INTS9: variants seen among roughly 807,000 people sequenced by gnomAD.
The protein encoded by INTS9 is integrator complex subunit 9.
INTS9 carries 55 observed loss-of-function variants against 79.7 expected under a neutral mutation model. That is an observed-to-expected ratio of 0.69 (90% CI 0.56 to 0.86). The LOEUF (loss-of-function observed/expected upper bound fraction) is 0.86. INTS9 is among the 40% of genes least tolerant of loss of function. The pLI is 0.00. For synonymous variants in INTS9, 319 were observed against 325.2 expected (o/e 0.98, Z 0.20); for missense variants, 721 against 831.5 (o/e 0.87, Z 1.64).
intron 11 of INTS9, among the ~76,000 whole-genome samples, chr8:28,783,026 A>C (rs1803382935): frequency 6.6e-6 from 1 of 151,284 alleles, no homozygotes; most frequent in African/African-American, 2.4e-5. Context: ...GGACACCTGT[A>C]GTCCGTTACT....
intron 1 of INTS9, among the ~76,000 whole-genome samples, chr8:28,877,596 A>T (rs1809465854): frequency 6.6e-6 from 1 of 152,204 alleles, no homozygotes; most frequent in Non-Finnish European, 1.5e-5. Context: ...CAAAAAGGAG[A>T]TAATCTGTAA....
chr8:28,884,168 CTTTTTTTTTTTTTTTTTTTT>C (rs35799882), intron 1 of INTS9, among the ~76,000 whole-genome samples: 1 of 46,976 alleles, frequency 2.1e-5, no homozygotes. Context: ...ATCAGTGTAT[CTTTTTTTTTTTTTTTTTTTT>C]TTTTTTTTTT....
At chr8:28,797,993 A>G (rs1329823831) in intron 8 of INTS9, 1 of 152,244 alleles carries the variant, frequency 6.6e-6, no homozygotes, top group African/African-American at 2.4e-5. Context: ...TTTAAATAAC[A>G]CAATTTTGAT....
intron 1 of INTS9, among the ~76,000 whole-genome samples, chr8:28,878,208 T>C (rs184693177): frequency 3.1e-4 from 47 of 152,308 alleles, no homozygotes; most frequent in African/African-American, 1.1e-3. Context: ...ACTATATACA[T>C]GTACAAAAAT....
At position 28,889,963 on chromosome 8, in the gene INTS9, G is replaced by T. The variant is rs1251373170; in HGVS notation, c.-81C>A. 5 of 1,181,252 alleles carry T rather than the reference G, an allele frequency of 4.2e-6. No individual in the cohort carries two copies. Among genetic ancestry groups the T allele is most frequent in the Non-Finnish European group, 6.3e-6 (5 of 794,066 alleles). 73.2% of individuals were successfully genotyped at this position (1,181,252 alleles called of 1,614,324 possible). A position where few individuals can be genotyped will look rare whatever the true frequency, so the allele number is the denominator to read the frequency against. ...TCTTCCGGTGCAATCTCCGCCACCT[G>T]CCAGCCGAGAGCATCGCGGGACTTG... On this transcript the variant is annotated 5_prime_UTR_variant, in exon 1 of 17. Transcript: ENST00000521022.
At chr8:28,779,359 G>A (rs1329483674) in intron 12 of INTS9, among the ~76,000 whole-genome samples, 2 of 152,198 alleles carry the variant, frequency 1.3e-5, no homozygotes, top group Non-Finnish European at 1.5e-5. Flanking sequence ...CCTGGTATCA[G>A]CAAGAGCCGG....
chr8:28,787,860 T>C lies in INTS9; in HGVS notation c.1067A>G (p.Tyr356Cys), dbSNP rs752113604. Residue 356 changes from tyrosine (Y) to cysteine (C), a missense_variant, in exon 11 of 17, where the codon TAT becomes TGT. By Grantham distance (194) the Tyr-to-Cys change is radical. This residue lies in a region of INTS9 where 149 missense variants were observed against 223.7 expected (regional missense o/e 0.67). Transcript: ENST00000521022. ...ATGAGGAAAAGGTGGTTCTGGAAGA[T>C]ACACCTTACTCTGTTTGTTGTGACA... The part of the protein sequence containing the change: ...WLCHNKQSKV[Y>C]LPEPPFPHAE... 5 of 1,608,262 alleles carry C rather than the reference T, an allele frequency of 3.1e-6. No homozygotes were observed. In the South Asian group the frequency reaches 3.3e-5, roughly 11 times the overall value.
chr8:28,816,459 C>T (rs999506818), intron 6 of INTS9, among the ~76,000 whole-genome samples: 6 of 151,386 alleles, frequency 4.0e-5, no homozygotes, highest in East Asian at 1.9e-4. Context: ...CAATTTCGTC[C>T]ATGTCCCTAC....
intron 15 of INTS9, 115 bp from the exon 16 acceptor site, chr8:28,770,141 C>T: frequency 7.5e-7 from 1 of 1,333,112 alleles, no homozygotes; most frequent in Non-Finnish European, 1.0e-6. Context: ...GAGCCCCGGC[C>T]CGGTTTCCTC....
chr8:28,830,860 C>A (rs953285466), intron 6 of INTS9, among the ~76,000 whole-genome samples: 2 of 152,114 alleles, frequency 1.3e-5, no homozygotes, highest in African/African-American at 2.4e-5. Flanking sequence ...ATGGCCTTCT[C>A]CAATAGCGCA....
At chr8:28,869,954 G>C (rs1260774329) in intron 1 of INTS9, among the ~76,000 whole-genome samples, 1 of 151,804 alleles carries the variant, frequency 6.6e-6, no homozygotes, top group Non-Finnish European at 1.5e-5. Context: ...AGCAGAGGGT[G>C]GTCATAAAAA....
chr8:28,853,563 A>G (rs754903531), intron 2 of INTS9, among the ~76,000 whole-genome samples: 1 of 152,206 alleles, frequency 6.6e-6, no homozygotes, highest in African/African-American at 2.4e-5. Context: ...TAAAATTTTT[A>G]GTCAAAAAAT....
chr8:28,780,028 A>C (rs1803148630), intron 12 of INTS9, among the ~76,000 whole-genome samples: 1 of 150,192 alleles, frequency 6.7e-6, no homozygotes, highest in African/African-American at 2.4e-5. Context: ...AGGTTGCTGC[A>C]AGCTGGGCCA....
At chr8:28,774,204 C>G (rs1802736918) in intron 14 of INTS9, among the ~76,000 whole-genome samples, 1 of 152,220 alleles carries the variant, frequency 6.6e-6, no homozygotes, top group South Asian at 2.1e-4. Context: ...ACACAGTGAA[C>G]AGACAAGGCA....
intron 6 of INTS9, among the ~76,000 whole-genome samples, chr8:28,824,868 C>T (rs1056407889): frequency 6.6e-6 from 1 of 152,206 alleles, no homozygotes; most frequent in East Asian, 1.9e-4. Flanking sequence ...GGAGAGAATA[C>T]TACCTTCCTT....
chr8:28,881,527 G>C (rs1809809964), intron 1 of INTS9, among the ~76,000 whole-genome samples: 1 of 38,278 alleles, frequency 2.6e-5, no homozygotes, highest in Admixed American at 2.2e-4. Flanking sequence ...GGAGGGAGGT[G>C]GGGGGGGTCA....
At chr8:28,776,595 A>T (rs1228640303) in intron 13 of INTS9, among the ~76,000 whole-genome samples, 1 of 152,112 alleles carries the variant, frequency 6.6e-6, no homozygotes, top group Non-Finnish European at 1.5e-5. Flanking sequence ...AAGAGCTTGG[A>T]CCAAGCCCTG....
At chr8:28,795,274 G>A (rs1270909022) in intron 9 of INTS9, among the ~76,000 whole-genome samples, 4 of 152,104 alleles carry the variant, frequency 2.6e-5, no homozygotes, top group Non-Finnish European at 5.9e-5. Flanking sequence ...AGAGAGGCAG[G>A]GACTTTGGGA....
At chr8:28,794,030 A>C in intron 9 of INTS9, 43 bp from the exon 10 acceptor site, 1 of 1,432,840 alleles carries the variant, frequency 7.0e-7, no homozygotes, top group Non-Finnish European at 9.4e-7. Flanking sequence ...TCATATCAAA[A>C]GGGCAGTGTT....
Sources: gnomAD v4.1 joint callset for allele counts (sites outside exome capture counted in the v4.1 genomes callset) on GRCh38, gnomAD v4.1.1 for gene constraint, gnomAD v4.1.1 regional missense constraint, MANE v1.5 for transcripts, NCBI Gene and HGNC (gene_info 2026-07-23, HGNC 2026-07-21) for gene names.